Variants in PPP4C observed in about 807,000 individuals in gnomAD.
PPP4C encodes the protein serine/threonine-protein phosphatase 4 catalytic subunit.
In PPP4C, 10 loss-of-function variants were observed where a neutral mutation model predicts 40.5. The observed-to-expected ratio is 0.25, with a 90% confidence interval of 0.15 to 0.42. The LOEUF (loss-of-function observed/expected upper bound fraction) is 0.42, where lower values mean the gene tolerates loss of function less well. Ranked by LOEUF, PPP4C falls within the 10% of genes least tolerant of loss-of-function variation. The probability of loss-of-function intolerance (pLI) is 1.00; values close to 1 mark genes in which losing one functional copy is unlikely to be tolerated. For missense variants in PPP4C, 191 were observed against 416.4 expected, an observed-to-expected ratio of 0.46 and a Z score of 4.71; for synonymous variants, 187 against 163.6, an observed-to-expected ratio of 1.14 and a Z score of -1.09.
chr16:30,078,720 T>C (rs978105972), intron 2 of PPP4C, among the ~76,000 whole-genome samples: 1 of 152,250 alleles, frequency 6.6e-6, no homozygotes, highest in Non-Finnish European at 1.5e-5. Context: ...ACTAGAAATA[T>C]TAGCACAGTA....
In PPP4C at chr16:30,083,369, GC is replaced by G; in HGVS notation, c.304-22del. On this transcript the variant is annotated intron_variant, in intron 5 of 8. Coordinates refer to ENST00000279387, the MANE Select transcript of PPP4C (RefSeq NM_002720.3). This position sits in a 1 kb window ranked among gnomAD's most constrained non-coding sequence, Gnocchi z 6.3. The stretch of plus-strand genomic sequence containing the variant: ...GTGTGGAGAGACCGTCTAGGCGCCA[GC>G]CCTGGCTTGGTGGCCACCCCCAGGT... The G allele has an allele frequency of 6.2e-7, 1 of 1,600,380 alleles. No individual in the cohort carries two copies. Among genetic ancestry groups the G allele is most frequent in the Non-Finnish European group, 8.5e-7 (1 of 1,172,700 alleles).
rs111226701 is a variant in PPP4C, at chr16:30,080,545, C to T, written c.99-714C>T. Among the ~76,000 whole-genome samples the T allele has an allele frequency of 5.7e-3, 785 of 137,362 alleles. 7 individuals are homozygous for T. Among genetic ancestry groups the T allele is most frequent in the Non-Finnish European group, 9.7e-3 (632 of 65,192 alleles). The allele number at this position is 137,362 out of a possible 152,430, so 90.1% of individuals were successfully genotyped here. ...TTTTTGAGATGAAGTCTTGCTCTGT[C>T]GCCCAGGCTGGAGTGCAGTGGCGCG... is the stretch of plus-strand genomic sequence containing the variant. On this transcript the variant is annotated intron_variant, in intron 2 of 8. Coordinates refer to ENST00000279387, the MANE Select transcript of PPP4C (RefSeq NM_002720.3).
intron 3 of PPP4C, chr16:30,081,786 G>A (rs903005277): frequency 4.4e-5 from 7 of 159,732 alleles, no homozygotes; most frequent in East Asian, 3.7e-4. Flanking sequence ...CGGGCGCGGC[G>A]GCTCACGCCT....
At chr16:30,084,365 C>G (rs374490849) in intron 7 of PPP4C, among the ~76,000 whole-genome samples, 2 of 152,224 alleles carry the variant, frequency 1.3e-5, no homozygotes, top group African/African-American at 4.8e-5. Context: ...CACAGGGTGC[C>G]CTTCTGTCTC....
rs185769556 is a variant in PPP4C, at chr16:30,083,349, G to A, written c.304-45G>A. ...CGAGGAGGTCAGAGAGGGATGTGTGGAGAGACCGTCTAGGCGCCAGCCCTG... is the reference window on the plus strand; with the variant it reads ...CGAGGAGGTCAGAGAGGGATGTGTGAAGAGACCGTCTAGGCGCCAGCCCTG... On this transcript the variant is annotated intron_variant, in intron 5 of 8. Coordinates refer to ENST00000279387, the MANE Select transcript of PPP4C (RefSeq NM_002720.3). The surrounding 1 kb of genome is among the most constrained non-coding windows in gnomAD (Gnocchi z 6.3). The A allele has an allele frequency of 2.6e-4, 413 of 1,583,102 alleles. No homozygotes were observed. Among genetic ancestry groups the A allele is most frequent in the Admixed American group, 1.2e-3 (71 of 59,332 alleles).
chr16:30,083,385 C>T lies in PPP4C; in HGVS notation c.304-9C>T, dbSNP rs190114765. On this transcript the variant is annotated splice_polypyrimidine_tract_variant and intron_variant, in intron 5 of 8. Transcript: ENST00000279387. The surrounding 1 kb of genome is among the most constrained non-coding windows in gnomAD (Gnocchi z 6.3). ...TAGGCGCCAGCCCTGGCTTGGTGGC[C>T]ACCCCCAGGTTCGCTATCCTGATCG... The T allele has an allele frequency of 2.5e-4, 396 of 1,603,640 alleles. 1 individual carries two copies. The African/African-American group carries it at 4.3e-3, about 18-fold the overall frequency.
At chr16:30,080,885 G>A (rs1382425646) in intron 2 of PPP4C, among the ~76,000 whole-genome samples, 1 of 152,196 alleles carries the variant, frequency 6.6e-6, no homozygotes, top group Non-Finnish European at 1.5e-5. Flanking sequence ...CCTGGGAGAA[G>A]GGCTCTGTGA....
intron 3 of PPP4C, 40 bp downstream of exon 3, chr16:30,081,350 T>C (rs1448484564): frequency 1.3e-6 from 2 of 1,553,278 alleles, no homozygotes; most frequent in Non-Finnish European, 1.8e-6. Context: ...GCCTGGTCTT[T>C]CAGGCACATG....
chr16:30,083,762 C>T lies in PPP4C; in HGVS notation c.585C>T (p.Leu195=), dbSNP rs778788027. 1 of 1,614,148 alleles carries T rather than the reference C, an allele frequency of 6.2e-7. No homozygotes were observed. The highest frequency in any genetic ancestry group is 1.1e-5 in the South Asian group (1 of 91,090). Residue 195 remains leucine, a synonymous_variant, in exon 7 of 9, where the codon CTC becomes CTT. Coordinates refer to ENST00000279387, the MANE Select transcript of PPP4C (RefSeq NM_002720.3). This position sits in a 1 kb window ranked among gnomAD's most constrained non-coding sequence, Gnocchi z 6.3. ...CTCATGATGGGCCCATGTGTGACCT[C>T]CTCTGGTCTGACCCAGAAGGTGAGG... The part of the protein sequence containing the change: ...EVPHDGPMCD[L]LWSDPEDTTG...
intron 7 of PPP4C, 59 bp from the exon 8 acceptor site, chr16:30,084,607 G>T: frequency 6.5e-7 from 1 of 1,534,634 alleles, no homozygotes; most frequent in South Asian, 1.2e-5. Flanking sequence ...TCAAGGGGCA[G>T]CGCTGGCAGC....
chr16:30,081,392 G>A (rs1353655493), intron 3 of PPP4C, 82 bp downstream of exon 3: 3 of 1,162,106 alleles, frequency 2.6e-6, no homozygotes, highest in South Asian at 2.5e-5. Flanking sequence ...GGCTCTATAA[G>A]CCCAACCCTA....
In PPP4C at chr16:30,076,474, A is replaced by T; in HGVS notation, c.97A>T (p.Arg33Ter). The change falls in exon 2 of 9, where the codon AGA becomes TGA. Residue 33 changes from arginine to a stop codon, truncating the protein, a stop_gained and splice_region_variant. Transcript: ENST00000279387. LOFTEE classifies it high-confidence loss of function. ...AGTCAAGGCCCTGTGCGCTAAGGCC[A>T]GGTGAGCTCGTTGGCCCTGGGGAAG... ...SEVKALCAKA[R>*]EILVEESNVQ... is the part of the protein sequence containing the mutation. 6.2e-7 allele frequency: 1 copy of T among 1,608,994 alleles called. No individual in the cohort carries two copies. The highest frequency in any genetic ancestry group is 1.3e-5 in the African/African-American group (1 of 74,952).
At position 30,083,163 on chromosome 16, in the gene PPP4C, T is replaced by C; in HGVS notation, c.304-231T>C. Reference sequence around the variant, plus strand: ...AGGGACCCGGTCTGTGTCTGGTAGGTGAAAGAAGAGCCATTAGGTTCATAG... The same window carrying C: ...AGGGACCCGGTCTGTGTCTGGTAGGCGAAAGAAGAGCCATTAGGTTCATAG... On this transcript the variant is annotated intron_variant, in intron 5 of 8. Transcript: ENST00000279387. This position sits in a 1 kb window ranked among gnomAD's most constrained non-coding sequence, Gnocchi z 6.3. 1 of 607,208 alleles carries C rather than the reference T, an allele frequency of 1.6e-6. No homozygotes were observed. Among genetic ancestry groups the C allele is most frequent in the Non-Finnish European group, 2.9e-6 (1 of 345,876 alleles). The allele number at this position is 607,208 out of a possible 1,614,324, so 37.6% of individuals were successfully genotyped here.
intron 2 of PPP4C, among the ~76,000 whole-genome samples, chr16:30,077,119 G>C (rs139722150): frequency 3.0e-4 from 45 of 152,324 alleles, no homozygotes; most frequent in African/African-American, 1.0e-3. Context: ...GGCCAGTTCA[G>C]AGTTCTGTGG....
chr16:30,077,371 C>G (rs1214806963), intron 2 of PPP4C, among the ~76,000 whole-genome samples: 1 of 152,094 alleles, frequency 6.6e-6, no homozygotes, highest in Non-Finnish European at 1.5e-5. Flanking sequence ...TATTCTATTT[C>G]TTTTGGAAGA....
At chr16:30,079,645 G>GT (rs1455693666) in intron 2 of PPP4C, among the ~76,000 whole-genome samples, 1 of 152,206 alleles carries the variant, frequency 6.6e-6, no homozygotes, top group Non-Finnish European at 1.5e-5. Context: ...ACCACCGCCA[G>GT]TGCTGCCTTC....
rs1338866777 is a variant in PPP4C at position 30,076,060 on chromosome 16, G to GGAGCCGGA, written c.-89_-82dup. On this transcript the variant is annotated 5_prime_UTR_variant, in exon 1 of 9. Coordinates refer to ENST00000279387, the MANE Select transcript of PPP4C (RefSeq NM_002720.3). Reference sequence around the variant, plus strand: ...AAAGCGGAGTGAAAGAGGGAGGCAGGGAGCCGGAGAGCCGGAACCGGAGTC... The same window carrying GGAGCCGGA: ...AAAGCGGAGTGAAAGAGGGAGGCAGGGAGCCGGAGAGCCGGAGAGCCGGAACCGGAGTC... 2.3e-6 allele frequency: 1 copy of GGAGCCGGA among 434,082 alleles called. No individual in the cohort carries two copies. The highest frequency in any genetic ancestry group is 4.1e-6 in the Non-Finnish European group (1 of 242,680). The allele number at this position is 434,082 out of a possible 1,614,324, so 26.9% of individuals were successfully genotyped here. A position where few individuals can be genotyped will look rare whatever the true frequency, so the allele number is the denominator to read the frequency against.
At chr16:30,082,562 G>A (rs770740878) in intron 4 of PPP4C, 28 bp downstream of exon 4, 10 of 1,604,546 alleles carry the variant, frequency 6.2e-6, no homozygotes, top group South Asian at 1.1e-5. Flanking sequence ...ACTGTGAAAT[G>A]TAACGGGGGG....
At position 30,085,128 on chromosome 16, in the gene PPP4C, C is replaced by A; in HGVS notation, c.*66C>A. ...GCACCACTGTGACTCTGCCATCTTC[C>A]TCAGACGGAGGCTGGGCGTGGGGGG... On this transcript the variant is annotated 3_prime_UTR_variant, in exon 9 of 9. Coordinates refer to ENST00000279387, the MANE Select transcript of PPP4C (RefSeq NM_002720.3). 2 of 1,570,930 alleles carry A rather than the reference C, an allele frequency of 1.3e-6. No individual in the cohort carries two copies. The highest frequency in any genetic ancestry group is 2.3e-5 in the East Asian group (1 of 44,280).
Sources: gnomAD v4.1 joint callset for allele counts (sites outside exome capture counted in the v4.1 genomes callset) on GRCh38, gnomAD v4.1.1 for gene constraint, Gnocchi (gnomAD v3.1) non-coding constraint, MANE v1.5 for transcripts, NCBI Gene and HGNC (gene_info 2026-07-23, HGNC 2026-07-21) for gene names.